RGS6: variants seen among roughly 807,000 people sequenced by gnomAD.
RGS6 encodes regulator of G-protein signaling 6.
RGS6 carries 30 observed loss-of-function variants against 78.5 expected under a neutral mutation model. The ratio of observed to expected loss-of-function variants is 0.38; its 90% CI spans 0.29 to 0.52. The LOEUF is 0.52. RGS6 is among the 20% of genes least tolerant of loss of function. The pLI, the probability that RGS6 is intolerant of heterozygous loss-of-function variation, is 0.85. For synonymous variants in RGS6, 206 were observed against 206.0 expected, an observed-to-expected ratio of 1.00 and a Z score of 0.00; for missense variants, 495 against 609.7, an observed-to-expected ratio of 0.81 and a Z score of 1.98.
chr14:72,281,477 C>A (rs2061576765), intron 2 of RGS6, among the ~76,000 whole-genome samples: 1 of 151,998 alleles, frequency 6.6e-6, no homozygotes, highest in South Asian at 2.1e-4. Flanking sequence ...GCAAGAGAAA[C>A]CACTGGGAAC....
intron 2 of RGS6, among the ~76,000 whole-genome samples, chr14:72,282,063 G>T (rs1050040355): frequency 6.6e-6 from 1 of 152,134 alleles, no homozygotes; most frequent in African/African-American, 2.4e-5. Context: ...ATTGTGCATT[G>T]GATCATTCAT....
the RGS6 span, among the ~76,000 whole-genome samples, chr14:72,598,913 G>A: frequency 2.0e-5 from 3 of 152,334 alleles, no homozygotes; most frequent in Admixed American, 2.0e-4. Context: ...CAATCGGTCT[G>A]GGCACTGGGA....
chr14:72,442,713 C>G (rs752664765), intron 3 of RGS6, among the ~76,000 whole-genome samples: 1 of 152,192 alleles, frequency 6.6e-6, no homozygotes, highest in African/African-American at 2.4e-5. Flanking sequence ...GCACTTCTAT[C>G]GTATTCTACA....
chr14:72,090,122 A>AT (rs1334924849), intron 2 of RGS6, among the ~76,000 whole-genome samples: 20 of 149,968 alleles, frequency 1.3e-4, no homozygotes, highest in Admixed American at 6.1e-4. Context: ...CAAAAAAAAA[A>AT]AAAAAAATAA....
chr14:71,889,416 G>A, the RGS6 span, among the ~76,000 whole-genome samples: 3 of 152,296 alleles, frequency 2.0e-5, no homozygotes, highest in East Asian at 5.8e-4. Flanking sequence ...CTGAGAAATG[G>A]AGTGTGGATT....
rs564755270 is a variant in RGS6 at position 72,400,199 on chromosome 14, C to A, written c.184+48005C>A. Among the ~76,000 whole-genome samples the A allele has an allele frequency of 4.6e-5, 7 of 152,318 alleles. No homozygotes were observed. In the South Asian group the frequency reaches 1.5e-3, roughly 32 times the overall value. On this transcript the variant is annotated intron_variant, in intron 3 of 17. Transcript: ENST00000553525. ...CTAACAGCTGATCTCTTGGCAGAAA[C>A]TCTCTAAGCCAGAAGAGAGTGGGGG...
intron 2 of RGS6, among the ~76,000 whole-genome samples, chr14:72,314,559 T>C (rs1390358584): frequency 6.6e-6 from 1 of 151,724 alleles, no homozygotes; most frequent in Non-Finnish European, 1.5e-5. Context: ...GAGACAGCTC[T>C]AGAGTGAAGC....
chr14:72,072,100 A>G (rs767348425), intron 2 of RGS6, among the ~76,000 whole-genome samples: 2 of 152,214 alleles, frequency 1.3e-5, no homozygotes. Context: ...GCATTGTCCC[A>G]TTTAGTTCTC....
chr14:72,444,406 G>A (rs2095305424), intron 3 of RGS6, among the ~76,000 whole-genome samples: 1 of 152,060 alleles, frequency 6.6e-6, no homozygotes, highest in Non-Finnish European at 1.5e-5. Flanking sequence ...GGAGAACAGT[G>A]GCCAAGGGCT....
intron 2 of RGS6, among the ~76,000 whole-genome samples, chr14:72,349,603 T>G (rs1951210157): frequency 6.6e-6 from 1 of 152,194 alleles, no homozygotes; most frequent in African/African-American, 2.4e-5. Context: ...TTCTGTTAGT[T>G]GAGGGGATTG....
chr14:72,193,004 T>C (rs569049939), intron 2 of RGS6, among the ~76,000 whole-genome samples: 34 of 151,590 alleles, frequency 2.2e-4, no homozygotes, highest in South Asian at 1.1e-3. Context: ...TTCTTTCTTT[T>C]TTTTTTGAGA....
intron 17 of RGS6, among the ~76,000 whole-genome samples, chr14:72,557,709 G>A (rs2097601502): frequency 6.6e-6 from 1 of 152,236 alleles, no homozygotes; most frequent in South Asian, 2.1e-4. Flanking sequence ...TGCATGGTGA[G>A]CTGTATTCAA....
the RGS6 span, among the ~76,000 whole-genome samples, chr14:72,602,208 C>T: frequency 3.9e-5 from 6 of 152,342 alleles, no homozygotes; most frequent in African/African-American, 1.4e-4. Flanking sequence ...CCTGTTCTGC[C>T]ACCTAAGTTT....
At chr14:72,519,657 T>A (rs929421258) in intron 15 of RGS6, among the ~76,000 whole-genome samples, 10 of 152,224 alleles carry the variant, frequency 6.6e-5, no homozygotes, top group African/African-American at 2.4e-4. Flanking sequence ...CACGAAATCA[T>A]GACTCCTTCA....
At chr14:72,113,114 A>C (rs1302876455) in intron 2 of RGS6, among the ~76,000 whole-genome samples, 2 of 149,934 alleles carry the variant, frequency 1.3e-5, no homozygotes, top group Non-Finnish European at 3.0e-5. Flanking sequence ...GCACACACAC[A>C]CCCCACTTCA....
At chr14:72,116,253 G>A (rs781723393) in intron 2 of RGS6, among the ~76,000 whole-genome samples, 5 of 152,068 alleles carry the variant, frequency 3.3e-5, no homozygotes, top group Non-Finnish European at 5.9e-5. Flanking sequence ...GAAGAAAAGA[G>A]GTTTAGCCAG....
At chr14:72,380,626 C>T (rs1190576179) in intron 3 of RGS6, among the ~76,000 whole-genome samples, 1 of 152,120 alleles carries the variant, frequency 6.6e-6, no homozygotes, top group Non-Finnish European at 1.5e-5. Flanking sequence ...AATGAGGTAT[C>T]ATTTTACCCC....
chr14:72,281,338 G>A (rs1437352994), intron 2 of RGS6, among the ~76,000 whole-genome samples: 1 of 151,818 alleles, frequency 6.6e-6, no homozygotes, highest in African/African-American at 2.4e-5. Flanking sequence ...TAGTAGAGCT[G>A]GGGTTTCTCC....
At chr14:72,015,830 C>T (rs2153233473) in intron 2 of RGS6, among the ~76,000 whole-genome samples, 1 of 152,292 alleles carries the variant, frequency 6.6e-6, no homozygotes, top group South Asian at 2.1e-4. Flanking sequence ...TTGAGTGTCT[C>T]TTCTGTACTC....
Sources: allele counts gnomAD v4.1 joint callset (sites outside exome capture counted in the v4.1 genomes callset), GRCh38; gene constraint gnomAD v4.1.1; transcripts MANE v1.5; gene names NCBI Gene and HGNC (gene_info 2026-07-23, HGNC 2026-07-21).